Variants in KNL1 observed in about 807,000 individuals in gnomAD.
The protein encoded by KNL1 is outer kinetochore KNL1 complex subunit KNL1.
A neutral mutation model predicts 201.3 loss-of-function variants in KNL1; 66 were observed. That is an observed-to-expected ratio of 0.33 (90% CI 0.27 to 0.40). The LOEUF (loss-of-function observed/expected upper bound fraction) is 0.40, where lower values mean the gene tolerates loss of function less well. KNL1 is among the 10% of genes least tolerant of loss of function. The pLI, the probability that KNL1 is intolerant of heterozygous loss-of-function variation, is 1.00. For synonymous variants in KNL1, 895 were observed against 899.2 expected, an observed-to-expected ratio of 1.00 and a Z score of 0.08; for missense variants, 2,815 against 2,690.5, an observed-to-expected ratio of 1.05 and a Z score of -1.02.
chr15:40,660,389 G>A (rs958929570), intron 25 of KNL1, among the ~76,000 whole-genome samples: 12 of 151,976 alleles, frequency 7.9e-5, no homozygotes, highest in Admixed American at 7.2e-4. Context: ...AGAGTCAGCC[G>A]GGCACAGTTG....
At chr15:40,628,590 C>T in intron 11 of KNL1, 21 bp from the exon 12 acceptor site, 2 of 1,536,408 alleles carry the variant, frequency 1.3e-6, no homozygotes, top group South Asian at 1.2e-5. Context: ...TGTTCGTCAC[C>T]AGAATTTGCT....
intron 22 of KNL1, among the ~76,000 whole-genome samples, chr15:40,656,802 C>A (rs890722026): frequency 6.6e-6 from 1 of 152,012 alleles, no homozygotes; most frequent in Non-Finnish European, 1.5e-5. Flanking sequence ...AGGAGAATTG[C>A]TTGAACTGGG....
At position 40,657,414 on chromosome 15, in the gene KNL1, G is replaced by T. The variant is rs1893767506; in HGVS notation, c.6654G>T (p.Glu2218Asp). The T allele has an allele frequency of 6.2e-7, 1 of 1,607,002 alleles. No individual in the cohort carries two copies. The highest frequency in any genetic ancestry group is 2.2e-5 in the East Asian group (1 of 44,858). The change falls in exon 24 of 26, where the codon GAG (glutamate) becomes GAT (aspartate). Residue 2218 changes from glutamate (E) to aspartate (D), a missense_variant. Physicochemically the swap from Glu to Asp is conservative, Grantham distance 45. This residue lies in a region of KNL1 where 334 missense variants were observed against 362.6 expected (regional missense o/e 0.92). Coordinates refer to ENST00000399668, the MANE Select transcript of KNL1 (RefSeq NM_144508.5). ...GCAGACTCCTTGGAGAGGAGATTGAGTATTTAAAGAGATGGGGACCAAATT... is the reference window on the plus strand; with the variant it reads ...GCAGACTCCTTGGAGAGGAGATTGATTATTTAAAGAGATGGGGACCAAATT... ...HHCRLLGEEIEYLKRWGPNYN... is the reference protein window; with the variant it reads ...HHCRLLGEEIDYLKRWGPNYN...
chr15:40,624,409 T>TTA lies in KNL1; in HGVS notation c.4148_4149dup (p.Thr1384Ter). 6.2e-7 allele frequency: 1 copy of TTA among 1,614,044 alleles called. No individual in the cohort carries two copies. Among genetic ancestry groups the TTA allele is most frequent in the Non-Finnish European group, 8.5e-7 (1 of 1,179,944 alleles). On this transcript the variant is annotated frameshift_variant, in exon 10 of 26. Coordinates refer to ENST00000399668, the MANE Select transcript of KNL1 (RefSeq NM_144508.5). LOFTEE classifies it high-confidence loss of function. ...AGTACCAAAGGACAGTTAGACTGTG[T>TTA]TATAACACTGCACAAAGATCAAGAT...
intron 22 of KNL1, 94 bp downstream of exon 22, chr15:40,655,071 G>T (rs1054884061): frequency 2.2e-6 from 2 of 923,198 alleles, no homozygotes; most frequent in African/African-American, 3.3e-5. Flanking sequence ...GCTGAGGCGG[G>T]TGGATCACCA....
intron 4 of KNL1, among the ~76,000 whole-genome samples, chr15:40,608,158 G>C (rs985956272): frequency 6.6e-6 from 1 of 152,166 alleles, no homozygotes; most frequent in Non-Finnish European, 1.5e-5. Flanking sequence ...ACTACAAAAT[G>C]TGAAGAAGTA....
Position 40,624,196 on chromosome 15 carries a change from G to A in KNL1, c.3932G>A (p.Cys1311Tyr), listed in dbSNP as rs1892655290. ...TCCTGTTTACCAAATGTTATTTCCT[G>A]TACTGATAATTTGGAGGGTAGTGCC... ...NYSCLPNVISCTDNLEGSAML... is the reference protein window; with the variant it reads ...NYSCLPNVISYTDNLEGSAML... Residue 1311 changes from cysteine to tyrosine, a missense_variant, in exon 10 of 26, where the codon TGT becomes TAT. Physicochemically the swap from Cys to Tyr is radical, Grantham distance 194 (BLOSUM62 -2). Around this residue, in one of 3 missense-constraint regions of KNL1, gnomAD observed 2,464 missense variants for 2,291.7 expected, o/e 1.08. Coordinates refer to ENST00000399668, the MANE Select transcript of KNL1 (RefSeq NM_144508.5). 1.2e-6 allele frequency: 2 copies of A among 1,613,910 alleles called. No homozygotes were observed. The highest frequency in any genetic ancestry group is 1.7e-6 in the Non-Finnish European group (2 of 1,179,926).
chr15:40,631,604 C>T (rs998310650), intron 13 of KNL1, among the ~76,000 whole-genome samples: 1 of 151,954 alleles, frequency 6.6e-6, no homozygotes, highest in Admixed American at 6.6e-5. Context: ...CATGAGCCAC[C>T]GTGCCCAGCC....
At chr15:40,661,138 C>G (rs1893896295) in intron 25 of KNL1, among the ~76,000 whole-genome samples, 2 of 152,122 alleles carry the variant, frequency 1.3e-5, no homozygotes, top group African/African-American at 4.8e-5. Context: ...CTTTGGGAGG[C>G]CAAGGTGGGC....
intron 16 of KNL1, 79 bp from the exon 17 acceptor site, chr15:40,646,908 G>A (rs1005812335): frequency 9.6e-6 from 6 of 627,988 alleles, no homozygotes; most frequent in African/African-American, 3.8e-5. Context: ...ATGATAGAGC[G>A]ATTATGTGAG....
chr15:40,600,451 T>A (rs998728223), intron 1 of KNL1, among the ~76,000 whole-genome samples: 2 of 152,214 alleles, frequency 1.3e-5, no homozygotes, highest in African/African-American at 4.8e-5. Flanking sequence ...CAGAGGTGGT[T>A]GCAGGAAAGG....
At position 40,659,098 on chromosome 15, in the gene KNL1, C is replaced by T. The variant is rs146647908; in HGVS notation, c.6714-241C>T. Among the ~76,000 whole-genome samples the T allele has an allele frequency of 2.0e-3, 301 of 151,900 alleles. 2 individuals carry two copies. The highest frequency in any genetic ancestry group is 6.9e-3 in the African/African-American group (287 of 41,450). On this transcript the variant is annotated intron_variant, in intron 24 of 25. Coordinates refer to ENST00000399668, the MANE Select transcript of KNL1 (RefSeq NM_144508.5). ...GGTCAGGAGTTTGAGGCCACATTGG[C>T]GAAACCCTGTCTCTACTAAAAATAC...
At chr15:40,594,889 A>G (rs1891579448) in intron 1 of KNL1, among the ~76,000 whole-genome samples, 1 of 152,184 alleles carries the variant, frequency 6.6e-6, no homozygotes, top group Admixed American at 6.5e-5. Context: ...CACGTAACAG[A>G]TTTTTCGTTT....
At chr15:40,632,028 T>G (rs1330234567) in intron 13 of KNL1, among the ~76,000 whole-genome samples, 5 of 143,968 alleles carry the variant, frequency 3.5e-5, no homozygotes, top group Non-Finnish European at 7.7e-5. Context: ...AAAAAAAGAA[T>G]AAATCCAAAA....
intron 21 of KNL1, 53 bp downstream of exon 21, chr15:40,652,158 C>T: frequency 1.7e-6 from 2 of 1,157,882 alleles, no homozygotes; most frequent in African/African-American, 3.0e-5. Flanking sequence ...TGGCTACACT[C>T]ACTAAAGATT....
chr15:40,623,932 T>C lies in KNL1; in HGVS notation c.3668T>C (p.Ile1223Thr), dbSNP rs376481167. The C allele has an allele frequency of 5.1e-5, 83 of 1,613,364 alleles. No homozygotes were observed. The African/African-American group carries it at 7.1e-4, about 14-fold the overall frequency. Residue 1223 changes from isoleucine (I) to threonine (T), a missense_variant, in exon 10 of 26, where the codon ATA (isoleucine) becomes ACA (threonine). Ile to Thr is a moderately conservative substitution (Grantham distance 89). Coordinates refer to ENST00000399668, the MANE Select transcript of KNL1 (RefSeq NM_144508.5). The stretch of plus-strand genomic sequence containing the variant: ...CAAGCACTGGCTGTAGGAAACAAAA[T>C]AGTTCTTCACACCGAGCAAAAGCAA... ...EKQALAVGNKIVLHTEQKQQL... is the reference protein window; with the variant it reads ...EKQALAVGNKTVLHTEQKQQL...
intron 1 of KNL1, among the ~76,000 whole-genome samples, chr15:40,599,318 A>G (rs1488574322): frequency 1.3e-5 from 2 of 150,806 alleles, no homozygotes; most frequent in Non-Finnish European, 3.0e-5. Context: ...GCCTCAAAAA[A>G]AAAAAAAAAA....
chr15:40,608,639 G>A (rs529691726), intron 4 of KNL1, among the ~76,000 whole-genome samples: 2 of 151,832 alleles, frequency 1.3e-5, no homozygotes, highest in East Asian at 3.9e-4. Flanking sequence ...CAGCTACTCG[G>A]GAGGCTGAGG....
intron 15 of KNL1, 39 bp from the exon 16 acceptor site, chr15:40,645,617 T>C: frequency 8.8e-7 from 1 of 1,142,508 alleles, no homozygotes; most frequent in Non-Finnish European, 1.3e-6. Flanking sequence ...TCTGACTCGT[T>C]TGTTTTAGTA....
Sources: allele counts gnomAD v4.1 joint callset (sites outside exome capture counted in the v4.1 genomes callset), GRCh38; gene constraint gnomAD v4.1.1; regional missense constraint gnomAD v4.1.1; transcripts MANE v1.5; gene names NCBI Gene and HGNC (gene_info 2026-07-23, HGNC 2026-07-21).